The following DDX19A variants were observed in gnomAD, a reference collection of about 807,000 sequenced individuals.
The protein encoded by DDX19A is DEAD-box helicase 19A.
A neutral mutation model predicts 60.6 loss-of-function variants in DDX19A; 12 were observed. The observed-to-expected ratio is 0.20, with a 90% CI of 0.13 to 0.32. The LOEUF (loss-of-function observed/expected upper bound fraction) is 0.32, where lower values mean the gene tolerates loss of function less well. Among genes scored for constraint, DDX19A ranks in the 10% least tolerant of loss-of-function variants. The pLI is 1.00. For synonymous variants in DDX19A, 206 were observed against 218.2 expected (o/e 0.94, Z 0.49); for missense variants, 337 against 600.6 (o/e 0.56, Z 4.59).
At chr16:70,350,518 GTCCTT>G in intron 1 of DDX19A, 34 bp from the exon 2 acceptor site, 1 of 1,531,400 alleles carries the variant, frequency 6.5e-7, no homozygotes, top group Admixed American at 1.9e-5. Context: ...CTTTTATTGG[GTCCTT>G]TGCTTAACTC....
At chr16:70,358,848 T>C (rs1964293064) in intron 4 of DDX19A, among the ~76,000 whole-genome samples, 2 of 152,118 alleles carry the variant, frequency 1.3e-5, no homozygotes, top group Admixed American at 6.6e-5. Context: ...CGAAACTCCT[T>C]CTCAAACGGA....
chr16:70,368,763 T>C (rs1483886430), intron 9 of DDX19A, among the ~76,000 whole-genome samples: 1 of 152,212 alleles, frequency 6.6e-6, no homozygotes, highest in Non-Finnish European at 1.5e-5. Flanking sequence ...CAAGTTTTGC[T>C]TGTTGCATTT....
chr16:70,368,933 C>T (rs1964596478), intron 9 of DDX19A, among the ~76,000 whole-genome samples: 1 of 152,144 alleles, frequency 6.6e-6, no homozygotes, highest in African/African-American at 2.4e-5. Flanking sequence ...GTGGTGCAAT[C>T]TCGGTTCACC....
rs71151183 is a variant in DDX19A, at chr16:70,357,366, G to GTTTTTTTTTTTT, written c.293+1144_293+1155dup. On this transcript the variant is annotated intron_variant, in intron 4 of 11. Coordinates refer to ENST00000302243, the MANE Select transcript of DDX19A (RefSeq NM_018332.5). ...AATCTGTCAAATCTGTTTTTGGTTT[G>GTTTTTTTTTTTT]TTTTTTTTTTTTTTTTTTTTTTTTT... Among the ~76,000 whole-genome samples the GTTTTTTTTTTTT allele has an allele frequency of 2.3e-3, 102 of 44,582 alleles. 41 individuals carry two copies. The highest frequency in any genetic ancestry group is 3.5e-3 in the African/African-American group (39 of 11,258). The allele number at this position is 44,582 out of a possible 152,430, so 29.2% of individuals were successfully genotyped here. A position where few individuals can be genotyped will look rare whatever the true frequency, so the allele number is the denominator to read the frequency against.
Position 70,366,731 on chromosome 16 carries a change from A to G in DDX19A, c.890A>G (p.Lys297Arg), listed in dbSNP as rs750947875. 10 of 1,614,102 alleles carry G rather than the reference A, an allele frequency of 6.2e-6. No homozygotes were observed. In the South Asian group the frequency reaches 1.1e-4, roughly 18 times the overall value. ...CCAGACCCAAATGTTATCAAACTGA[A>G]GCGTGAGGAAGAGACCCTGGATACC... ...VVPDPNVIKL[K>R]REEETLDTIK... is the part of the protein sequence containing the mutation. Residue 297 changes from lysine to arginine, a missense_variant, in exon 9 of 12, where the codon AAG (lysine) becomes AGG (arginine). By Grantham distance (26) the Lys-to-Arg change is conservative. Around this residue, in one of 6 missense-constraint regions of DDX19A, gnomAD observed 117 missense variants for 274.3 expected, o/e 0.43. Transcript: ENST00000302243.
rs1326748823 is a variant in DDX19A, at chr16:70,372,166, TAGA to T, written c.*185_*187del. The T allele has an allele frequency of 2.8e-6, 3 of 1,061,162 alleles. No individual in the cohort carries two copies. Among genetic ancestry groups the T allele is most frequent in the Non-Finnish European group, 2.7e-6 (2 of 732,880 alleles). 65.7% of individuals were successfully genotyped at this position (1,061,162 alleles called of 1,614,324 possible). A position where few individuals can be genotyped will look rare whatever the true frequency, so the allele number is the denominator to read the frequency against. ...AATAGGTGCAAATGATGGGGGGCAA[TAGA>T]AGAAAAAATTTGCATTTTGGAAAAT... is the stretch of plus-strand genomic sequence containing the variant. On this transcript the variant is annotated 3_prime_UTR_variant, in exon 12 of 12. Transcript: ENST00000302243.
rs1371013406 is a variant in DDX19A, at chr16:70,372,279, C to T, written c.*293C>T. 8.1e-6 allele frequency: 4 copies of T among 491,380 alleles called. No individual in the cohort carries two copies. Among genetic ancestry groups the T allele is most frequent in the African/African-American group, 3.9e-5 (2 of 51,270 alleles). The allele number at this position is 491,380 out of a possible 1,614,324, so 30.4% of individuals were successfully genotyped here. A position where few individuals can be genotyped will look rare whatever the true frequency, so the allele number is the denominator to read the frequency against. On this transcript the variant is annotated 3_prime_UTR_variant, in exon 12 of 12. Coordinates refer to ENST00000302243, the MANE Select transcript of DDX19A (RefSeq NM_018332.5). ...CAGTGGTAGTCGCTGGCCCCAGGAC[C>T]CCCTCCTGATTTTGGCTAGGCATCG...
chr16:70,368,638 C>T (rs529597629), intron 9 of DDX19A, among the ~76,000 whole-genome samples: 121 of 150,642 alleles, frequency 8.0e-4, no homozygotes, highest in African/African-American at 2.9e-3. Context: ...ACTCAAACTC[C>T]TGGGCTCAAG....
intron 2 of DDX19A, among the ~76,000 whole-genome samples, chr16:70,351,133 C>T (rs1964002614): frequency 6.6e-6 from 1 of 151,920 alleles, no homozygotes; most frequent in East Asian, 1.9e-4. Flanking sequence ...CCACCCACCT[C>T]AGCCTCCCAA....
chr16:70,364,763 A>T, intron 6 of DDX19A, 118 bp downstream of exon 6: 1 of 791,930 alleles, frequency 1.3e-6, no homozygotes, highest in Non-Finnish European at 2.1e-6. Context: ...GCTCAGGCAG[A>T]GCAAGTTCCT....
chr16:70,352,013 G>C (rs1423733031), intron 2 of DDX19A, among the ~76,000 whole-genome samples: 1 of 152,100 alleles, frequency 6.6e-6, no homozygotes, highest in African/African-American at 2.4e-5. Context: ...GTCACATTCT[G>C]AGGTACTGGT....
chr16:70,366,273 C>G lies in DDX19A; in HGVS notation c.782+11C>G, dbSNP rs376141982. 4.3e-6 allele frequency: 7 copies of G among 1,613,652 alleles called. No homozygotes were observed. The highest frequency in any genetic ancestry group is 5.9e-6 in the Non-Finnish European group (7 of 1,179,678). Reference sequence around the variant, plus strand: ...CATCCGCATCCAGAGGTAGGGATCTCGAGGGTGGGGGACTCCTCAGACTCC... The same window carrying G: ...CATCCGCATCCAGAGGTAGGGATCTGGAGGGTGGGGGACTCCTCAGACTCC... On this transcript the variant is annotated intron_variant, in intron 8 of 11. Coordinates refer to ENST00000302243, the MANE Select transcript of DDX19A (RefSeq NM_018332.5).
chr16:70,365,930 C>A, intron 7 of DDX19A, 155 bp from the exon 8 acceptor site: 2 of 1,138,596 alleles, frequency 1.8e-6, no homozygotes, highest in Non-Finnish European at 2.5e-6. Context: ...GCCCACTTCA[C>A]AGCAGAAGAG....
At chr16:70,347,393 A>C in intron 1 of DDX19A, 1 of 309,572 alleles carries the variant, frequency 3.2e-6, no homozygotes, top group Non-Finnish European at 6.1e-6. Context: ...TTTCTGTACT[A>C]CTCTGTATTT....
intron 9 of DDX19A, among the ~76,000 whole-genome samples, chr16:70,367,864 G>A (rs1202808068): frequency 6.7e-6 from 1 of 148,510 alleles, no homozygotes; most frequent in Non-Finnish European, 1.5e-5. Flanking sequence ...GTGAGAGAGC[G>A]AGACTCCGTC....
intron 2 of DDX19A, among the ~76,000 whole-genome samples, chr16:70,352,441 T>C (rs545773949): frequency 2.6e-5 from 4 of 151,066 alleles, no homozygotes; most frequent in Admixed American, 6.6e-5. Flanking sequence ...TCCGCCATCA[T>C]GCCCAGCTAA....
At chr16:70,355,733 G>A (rs1291952198) in intron 3 of DDX19A, 198 bp downstream of exon 3, 3 of 600,052 alleles carry the variant, frequency 5.0e-6, no homozygotes, top group Non-Finnish European at 8.9e-6. Context: ...AGGCCGAGGT[G>A]GGAGGATTCC....
intron 2 of DDX19A, among the ~76,000 whole-genome samples, chr16:70,355,176 A>G (rs1964144251): frequency 6.6e-6 from 1 of 152,022 alleles, no homozygotes; most frequent in Non-Finnish European, 1.5e-5. Context: ...CAGGAGTTCA[A>G]GACCATCCTG....
chr16:70,348,816 A>G (rs1019695914), intron 1 of DDX19A, among the ~76,000 whole-genome samples: 1 of 150,288 alleles, frequency 6.7e-6, no homozygotes, highest in African/African-American at 2.5e-5. Context: ...GTGGTGGTAC[A>G]CTCCTGTAGT....
Sources: allele counts gnomAD v4.1 joint callset (sites outside exome capture counted in the v4.1 genomes callset), GRCh38; gene constraint gnomAD v4.1.1; regional missense constraint gnomAD v4.1.1; transcripts MANE v1.5; gene names NCBI Gene and HGNC (gene_info 2026-07-23, HGNC 2026-07-21).